Variants in DRC11L observed in about 807,000 individuals in gnomAD.
The protein encoded by DRC11L is dynein regulatory complex subunit like-11.
chr7:151,205,014 TG>T, the DRC11L span, among the ~76,000 whole-genome samples: 1 of 152,140 alleles, frequency 6.6e-6, no homozygotes, highest in African/African-American at 2.4e-5. Context: ...GACACCGACC[TG>T]GTCTTAGGGA....
chr7:151,201,022 A>C, the DRC11L span, among the ~76,000 whole-genome samples: 1 of 151,560 alleles, frequency 6.6e-6, no homozygotes, highest in Non-Finnish European at 1.5e-5. This position sits in a 1 kb window ranked among gnomAD's most constrained non-coding sequence, Gnocchi z 4.1. Flanking sequence ...CCCAGGCCCA[A>C]GACCCCATCT....
chr7:151,201,959 G>A, the DRC11L span, among the ~76,000 whole-genome samples: 3 of 152,194 alleles, frequency 2.0e-5, no homozygotes, highest in South Asian at 2.1e-4. The surrounding 1 kb of genome is among the most constrained non-coding windows in gnomAD (Gnocchi z 4.1). Flanking sequence ...GGTAGGAGAG[G>A]CCATGTTCAC....
chr7:151,205,382 A>C, the DRC11L span: 1 of 399,236 alleles, frequency 2.5e-6, no homozygotes, highest in African/African-American at 2.1e-5. Flanking sequence ...TCTCAGGACT[A>C]AGGAGATGCT....
At chr7:151,195,986 G>C in the DRC11L span, 1 of 247,128 alleles carries the variant, frequency 4.0e-6, no homozygotes, top group East Asian at 7.6e-5. Flanking sequence ...CTAAATGATT[G>C]CATAACCGCT....
At chr7:151,195,504 G>T in the DRC11L span, 2 of 399,566 alleles carry the variant, frequency 5.0e-6, no homozygotes, top group African/African-American at 2.1e-5. Context: ...AAACGAGTGC[G>T]TAGGTCACTG....
chr7:151,196,808 C>T, the DRC11L span, among the ~76,000 whole-genome samples: 1 of 152,320 alleles, frequency 6.6e-6, no homozygotes, highest in African/African-American at 2.4e-5. Flanking sequence ...AACGCCCCCA[C>T]CCGAAGAAGC....
At chr7:151,196,405 C>G in the DRC11L span, 2 of 399,090 alleles carry the variant, frequency 5.0e-6, no homozygotes, top group East Asian at 7.1e-5. Context: ...GGGGAGGGTA[C>G]AGGGTGGTGG....
At chr7:151,193,386 T>G in the DRC11L span, 1 of 399,412 alleles carries the variant, frequency 2.5e-6, no homozygotes, top group African/African-American at 2.1e-5. Flanking sequence ...TTGGCGCCAG[T>G]TTCTGTGCAC....
chr7:151,200,412 G>A, the DRC11L span: 70 of 399,150 alleles, frequency 1.8e-4, 1 homozygote, highest in East Asian at 1.6e-3. Flanking sequence ...TCCATTCGCC[G>A]GTCCTGCTGA....
the DRC11L span, chr7:151,197,398 C>T: frequency 7.5e-6 from 3 of 398,778 alleles, no homozygotes; most frequent in Admixed American, 1.3e-4. Flanking sequence ...CTGGGTTTTA[C>T]AGAAGAGAGC....
the DRC11L span, chr7:151,191,217 G>A: frequency 7.5e-6 from 3 of 398,078 alleles, no homozygotes; most frequent in African/African-American, 4.1e-5. Context: ...TATTAGTGCT[G>A]GGGTTTCCCT....
At chr7:151,197,613 C>T in the DRC11L span, among the ~76,000 whole-genome samples, 6 of 152,230 alleles carry the variant, frequency 3.9e-5, no homozygotes, top group East Asian at 1.2e-3. Context: ...TCTACCCAGA[C>T]ATCCTTCCTT....
At chr7:151,192,493 A>G in the DRC11L span, 2 of 398,820 alleles carry the variant, frequency 5.0e-6, no homozygotes, top group Non-Finnish European at 8.8e-6. Flanking sequence ...GGGCTGGGGC[A>G]CAGTGGCCCA....
chr7:151,201,319 G>A, the DRC11L span, among the ~76,000 whole-genome samples: 2 of 152,236 alleles, frequency 1.3e-5, no homozygotes, highest in Non-Finnish European at 2.9e-5. The surrounding 1 kb of genome is among the most constrained non-coding windows in gnomAD (Gnocchi z 4.1). Flanking sequence ...TGCTCTGGAT[G>A]ACTCTAAGAC....
the DRC11L span, chr7:151,196,529 G>A: frequency 5.0e-6 from 2 of 399,592 alleles, no homozygotes; most frequent in South Asian, 1.3e-4. Context: ...TGGGGTGTAT[G>A]CTCTCACACC....
the DRC11L span, chr7:151,193,629 A>G: frequency 2.5e-5 from 10 of 398,180 alleles, no homozygotes; most frequent in Middle Eastern, 1.3e-3. Flanking sequence ...ACCTTCCCCA[A>G]CACCAGCAGG....
chr7:151,204,747 C>T, the DRC11L span: 2 of 399,118 alleles, frequency 5.0e-6, no homozygotes. Flanking sequence ...CTGCCGCTCC[C>T]GGTCGGGCGC....
At chr7:151,200,173 G>T in the DRC11L span, among the ~76,000 whole-genome samples, 1 of 152,226 alleles carries the variant, frequency 6.6e-6, no homozygotes, top group Non-Finnish European at 1.5e-5. Flanking sequence ...TGCTGCCAGG[G>T]GCCGGATTTC....
the DRC11L span, chr7:151,191,043 G>C: frequency 1.0e-5 from 4 of 399,698 alleles, no homozygotes; most frequent in African/African-American, 6.2e-5. Flanking sequence ...GGTCCATCCT[G>C]TGTTTCATGC....
Sources: allele counts gnomAD v4.1 joint callset (sites outside exome capture counted in the v4.1 genomes callset), GRCh38; gene constraint gnomAD v4.1.1; non-coding constraint Gnocchi (gnomAD v3.1); transcripts MANE v1.5; gene names NCBI Gene and HGNC (gene_info 2026-07-23, HGNC 2026-07-21).